Variants in CEP126 observed in about 807,000 individuals in gnomAD.
CEP126 encodes centrosomal protein 126, also known as centrosomal protein of 126 kDa.
CEP126 carries 74 observed loss-of-function variants against 107.8 expected under a neutral mutation model. The observed-to-expected ratio is 0.69, with a 90% CI of 0.57 to 0.83. The LOEUF is 0.83. Among genes scored for constraint, CEP126 ranks in the 40% least tolerant of loss-of-function variants. The probability of loss-of-function intolerance (pLI) is 0.00; values close to 1 mark genes in which losing one functional copy is unlikely to be tolerated. For synonymous variants in CEP126, 449 were observed against 446.0 expected (o/e 1.01, Z -0.08); for missense variants, 1,237 against 1,281.9 (o/e 0.96, Z 0.53).
intron 10 of CEP126, among the ~76,000 whole-genome samples, chr11:101,997,298 A>T (rs778263806): frequency 1.2e-4 from 19 of 152,210 alleles, no homozygotes; most frequent in Non-Finnish European, 2.5e-4. Flanking sequence ...GGCCTCCCAA[A>T]GTGCTGGGAT....
chr11:101,938,171 AAAAAAT>A lies in CEP126; in HGVS notation c.249-6092_249-6087del, dbSNP rs1386600101. 1.5e-4 allele frequency among the ~76,000 whole-genome samples: 21 copies of A among 144,598 alleles called. 7 individuals are homozygous for A. The highest frequency in any genetic ancestry group is 2.7e-4 in the Non-Finnish European group (18 of 65,722). 94.9% of individuals were successfully genotyped at this position (144,598 alleles called of 152,430 possible). A position where few individuals can be genotyped will look rare whatever the true frequency, so the allele number is the denominator to read the frequency against. On this transcript the variant is annotated intron_variant, in intron 2 of 10. Transcript: ENST00000263468. ...CGAGACTCTGTCTCAAAAAAAAAAA[AAAAAAT>A]ACAAGAAATTGGTCCATTTTACCTA...
intron 1 of CEP126, among the ~76,000 whole-genome samples, 178 bp from the exon 2 acceptor site, chr11:101,922,463 C>T (rs1045850056): frequency 2.0e-5 from 3 of 152,010 alleles, no homozygotes; most frequent in African/African-American, 7.2e-5. Flanking sequence ...CACCCAGCCC[C>T]GAATTTTTTT....
intron 7 of CEP126, among the ~76,000 whole-genome samples, chr11:101,981,460 AT>A (rs1941253263): frequency 6.6e-6 from 1 of 152,012 alleles, no homozygotes; most frequent in Non-Finnish European, 1.5e-5. Flanking sequence ...CTCCTGGCTA[AT>A]TTTTTATATT....
intron 4 of CEP126, among the ~76,000 whole-genome samples, chr11:101,953,504 A>G (rs1345057377): frequency 6.6e-6 from 1 of 152,208 alleles, no homozygotes; most frequent in African/African-American, 2.4e-5. Context: ...AGAAAGCCAC[A>G]TAACTCAAAA....
At chr11:101,968,975 A>G (rs1297718272) in intron 6 of CEP126, among the ~76,000 whole-genome samples, 1 of 152,170 alleles carries the variant, frequency 6.6e-6, no homozygotes, top group African/African-American at 2.4e-5. Context: ...GATACCTGGA[A>G]AATTTAACAC....
chr11:101,956,028 C>T (rs1166058773), intron 4 of CEP126: 3 of 456,424 alleles, frequency 6.6e-6, no homozygotes, highest in Non-Finnish European at 1.3e-5. Context: ...CATCCTTGTC[C>T]TCCAACCCCG....
At chr11:101,952,212 A>G (rs184969818) in intron 4 of CEP126, among the ~76,000 whole-genome samples, 7 of 152,328 alleles carry the variant, frequency 4.6e-5, no homozygotes, top group African/African-American at 7.2e-5. Flanking sequence ...AAGTAGCACA[A>G]TTTGGCTAAT....
chr11:101,920,787 G>A (rs754941001), intron 1 of CEP126, among the ~76,000 whole-genome samples: 1 of 151,820 alleles, frequency 6.6e-6, no homozygotes, highest in African/African-American at 2.4e-5. Context: ...TGCATTTTTT[G>A]TAGAGCCGGG....
chr11:101,931,938 C>T (rs1295019187), intron 2 of CEP126, among the ~76,000 whole-genome samples: 1 of 152,176 alleles, frequency 6.6e-6, no homozygotes, highest in Admixed American at 6.5e-5. Context: ...GATGAGATGG[C>T]TCACATTGAG....
chr11:101,932,934 GA>G (rs1241528987), intron 2 of CEP126, among the ~76,000 whole-genome samples: 1 of 152,066 alleles, frequency 6.6e-6, no homozygotes, highest in Non-Finnish European at 1.5e-5. Context: ...ACAAATAATA[GA>G]TAACTGCTTT....
At position 101,981,494 on chromosome 11, in the gene CEP126, C is replaced by T. The variant is rs143057331; in HGVS notation, c.2959-395C>T. ...ATTTTTAGTAGAGACAGGGCTTCAC[C>T]GTGTTAGCCAGGATGGTCTCGATCT... is the stretch of plus-strand genomic sequence containing the variant. On this transcript the variant is annotated intron_variant, in intron 7 of 10. Transcript: ENST00000263468. Among the ~76,000 whole-genome samples the T allele has an allele frequency of 3.7e-3, 566 of 152,104 alleles. 4 individuals are homozygous for T. Among genetic ancestry groups the T allele is most frequent in the African/African-American group, 0.013 (539 of 41,496 alleles).
chr11:101,957,074 T>C (rs908277171), intron 4 of CEP126: 1 of 258,838 alleles, frequency 3.9e-6, no homozygotes, highest in Non-Finnish European at 7.5e-6. Flanking sequence ...ACTCTCAATG[T>C]TCAGGAACTT....
intron 1 of CEP126, chr11:101,916,193 C>G (rs1940208422): frequency 6.6e-6 from 1 of 152,204 alleles, no homozygotes. Flanking sequence ...CATCTTCAGT[C>G]TTGTCAGAGA....
intron 6 of CEP126, among the ~76,000 whole-genome samples, chr11:101,964,432 G>A (rs752640343): frequency 1.3e-5 from 2 of 151,240 alleles, no homozygotes; most frequent in Non-Finnish European, 2.9e-5. Context: ...TTGGAAGTTC[G>A]AGACCAGCCT....
intron 10 of CEP126, among the ~76,000 whole-genome samples, chr11:101,995,748 T>C (rs1941434532): frequency 6.6e-6 from 1 of 152,234 alleles, no homozygotes; most frequent in South Asian, 2.1e-4. Context: ...ACTACATAAA[T>C]GTTGAATTAA....
rs34042050 is a variant in CEP126 at position 101,924,438 on chromosome 11, C to CTGTGTG, written c.248+1693_248+1698dup. Among the ~76,000 whole-genome samples the CTGTGTG allele has an allele frequency of 5.4e-4, 80 of 149,438 alleles. 2 individuals are homozygous for CTGTGTG. In the South Asian group the frequency reaches 0.014, roughly 27 times the overall value. On this transcript the variant is annotated intron_variant, in intron 2 of 10. Transcript: ENST00000263468. ...TTTTTGTTTTGTTGTTGTTTTGGGGCTGTGTGTGTGTGTGTGTGTGGTTTT... is the reference window on the plus strand; with the variant it reads ...TTTTTGTTTTGTTGTTGTTTTGGGGCTGTGTGTGTGTGTGTGTGTGTGTGTGGTTTT...
At position 101,963,829 on chromosome 11, in the gene CEP126, C is replaced by T; in HGVS notation, c.2794C>T (p.Pro932Ser). 1 of 1,613,820 alleles carries T rather than the reference C, an allele frequency of 6.2e-7. No individual in the cohort carries two copies. Among genetic ancestry groups the T allele is most frequent in the Non-Finnish European group, 8.5e-7 (1 of 1,179,906 alleles). ...TLRTAEEESV[P>S]LWKRGPNVLH... ...AAGAACTGCTGAAGAAGAATCAGTT[C>T]CCTTATGGAAAAGAGGTCCTAATGT... The change falls in exon 6 of 11, where the codon CCC becomes TCC. Residue 932 changes from proline (P) to serine (S), a missense_variant. Pro to Ser is a moderately conservative substitution (Grantham distance 74). Transcript: ENST00000263468.
chr11:101,915,155 C>A lies in CEP126; in HGVS notation c.-130C>A. 1 of 1,425,320 alleles carries A rather than the reference C, an allele frequency of 7.0e-7. No individual in the cohort carries two copies. The highest frequency in any genetic ancestry group is 9.5e-7 in the Non-Finnish European group (1 of 1,053,128). 88.3% of individuals were successfully genotyped at this position (1,425,320 alleles called of 1,614,324 possible). A position where few individuals can be genotyped will look rare whatever the true frequency, so the allele number is the denominator to read the frequency against. ...CGGGAGCTAGGGCTGTCGAGGCCAA[C>A]CCTTCCGCGCCCGTGACGCGGGGCC... On this transcript the variant is annotated 5_prime_UTR_variant, in exon 1 of 11. Transcript: ENST00000263468.
chr11:101,951,672 T>TG (rs1247816407), intron 4 of CEP126, among the ~76,000 whole-genome samples: 1 of 151,962 alleles, frequency 6.6e-6, no homozygotes, highest in East Asian at 1.9e-4. Flanking sequence ...ACAAAGGAAA[T>TG]GAAAAAAAGC....
Sources: gnomAD v4.1 joint callset for allele counts (sites outside exome capture counted in the v4.1 genomes callset) on GRCh38, gnomAD v4.1.1 for gene constraint, MANE v1.5 for transcripts, NCBI Gene and HGNC (gene_info 2026-07-23, HGNC 2026-07-21) for gene names.